SOS2: variants seen among roughly 807,000 people sequenced by gnomAD.
SOS2 encodes son of sevenless homolog 2.
Under a neutral mutation model 148.2 loss-of-function variants are expected in SOS2, and 65 were observed. The ratio of observed to expected loss-of-function variants is 0.44; its 90% confidence interval spans 0.36 to 0.54. SOS2 has a LOEUF of 0.54. Ranked by LOEUF, SOS2 falls within the 20% of genes least tolerant of loss-of-function variation. The probability of loss-of-function intolerance (pLI) is 0.00; values close to 1 mark genes in which losing one functional copy is unlikely to be tolerated. For synonymous variants in SOS2, 539 were observed against 537.1 expected, an observed-to-expected ratio of 1.00 and a Z score of -0.05; for missense variants, 1,341 against 1,590.2, an observed-to-expected ratio of 0.84 and a Z score of 2.67.
At chr14:50,145,968 C>A (rs1884453195) in intron 14 of SOS2, among the ~76,000 whole-genome samples, 1 of 151,728 alleles carries the variant, frequency 6.6e-6, no homozygotes. Context: ...AACCCCGTCT[C>A]TACTAAAATA....
chr14:50,176,497 A>C (rs1397207447), intron 7 of SOS2, among the ~76,000 whole-genome samples: 1 of 152,224 alleles, frequency 6.6e-6, no homozygotes, highest in Admixed American at 6.5e-5. Flanking sequence ...GTGCATTCTA[A>C]AATTTTTGTA....
intron 1 of SOS2, among the ~76,000 whole-genome samples, chr14:50,223,743 C>A (rs34981697): frequency 6.6e-6 from 1 of 151,872 alleles, no homozygotes; most frequent in East Asian, 1.9e-4. Context: ...TATATGGGGG[C>A]GGCAGGGGGG....
intron 9 of SOS2, 54 bp downstream of exon 9, chr14:50,161,428 T>A: frequency 6.8e-7 from 1 of 1,477,922 alleles, no homozygotes; most frequent in Non-Finnish European, 9.3e-7. Flanking sequence ...AAACCAGGCA[T>A]CAGAGACAGC....
chr14:50,179,098 T>C (rs1158365435), intron 7 of SOS2, among the ~76,000 whole-genome samples: 1 of 152,138 alleles, frequency 6.6e-6, no homozygotes, highest in Non-Finnish European at 1.5e-5. Flanking sequence ...ACATTAAGTA[T>C]GAAATAAAAA....
In SOS2 at chr14:50,222,788, G is replaced by A. The variant is rs12893897; in HGVS notation, c.87+8409C>T. Among the ~76,000 whole-genome samples the A allele has an allele frequency of 4.1e-3, 622 of 152,310 alleles. 1 individual carries two copies. Among genetic ancestry groups the A allele is most frequent in the Admixed American group, 6.7e-3 (103 of 15,290 alleles). On this transcript the variant is annotated intron_variant, in intron 1 of 22. Transcript: ENST00000216373. ...GTGGGGCAGCCCTAGACTGCAGAGG[G>A]CCTAGTAAACCTTTGGGAGGACTTT...
chr14:50,151,657 T>C (rs756988809), intron 13 of SOS2, among the ~76,000 whole-genome samples: 9 of 152,184 alleles, frequency 5.9e-5, no homozygotes, highest in Admixed American at 2.6e-4. Flanking sequence ...TTTATTCTAA[T>C]GTGTGTGTGT....
intron 9 of SOS2, among the ~76,000 whole-genome samples, 167 bp downstream of exon 9, chr14:50,161,304 AAAAAGGAAAGG>A (rs1885002138): frequency 6.6e-6 from 1 of 152,106 alleles, no homozygotes; most frequent in South Asian, 2.1e-4. Flanking sequence ...TCAAAAAAAA[AAAAAGGAAAGG>A]AAAAGGAAAA....
chr14:50,144,982 CATATT>C (rs949432141), intron 16 of SOS2, among the ~76,000 whole-genome samples, 183 bp downstream of exon 16: 4 of 151,792 alleles, frequency 2.6e-5, no homozygotes, highest in African/African-American at 9.7e-5. Flanking sequence ...CTAGGATTCA[CATATT>C]ATATATCATA....
chr14:50,163,825 C>T (rs1361485168), intron 8 of SOS2, among the ~76,000 whole-genome samples: 1 of 152,140 alleles, frequency 6.6e-6, no homozygotes, highest in Non-Finnish European at 1.5e-5. Flanking sequence ...TCTAAATTAT[C>T]ACCAGTAGTG....
chr14:50,141,977 T>C (rs1420828290), intron 16 of SOS2, among the ~76,000 whole-genome samples: 1 of 151,900 alleles, frequency 6.6e-6, no homozygotes, highest in East Asian at 1.9e-4. Flanking sequence ...AGGCATTCAA[T>C]TTATGACACA....
chr14:50,148,984 C>G (rs1270710335), intron 14 of SOS2, among the ~76,000 whole-genome samples: 10 of 152,202 alleles, frequency 6.6e-5, no homozygotes, highest in Admixed American at 1.3e-4. Context: ...CAGCCTCGAC[C>G]TTAAGTGACC....
chr14:50,159,430 C>A lies in SOS2; in HGVS notation c.1852+1G>T, dbSNP rs1266594571. The A allele has an allele frequency of 1.3e-6, 2 of 1,592,970 alleles. No homozygotes were observed. The highest frequency in any genetic ancestry group is 1.7e-6 in the Non-Finnish European group (2 of 1,165,668). On this transcript the variant is annotated splice_donor_variant, in intron 10 of 22. Transcript: ENST00000216373. LOFTEE classifies it high-confidence loss of function. ...CAGCAGTTGTAATGAGTTTCACATA[C>A]CTGCATACATATGATATGTTAACCT... is the stretch of plus-strand genomic sequence containing the variant.
Position 50,198,421 on chromosome 14 carries a change from T to C in SOS2, c.510+1270A>G, listed in dbSNP as rs552083008. On this transcript the variant is annotated intron_variant, in intron 4 of 22. Transcript: ENST00000216373. ...AGATAACAAGGAATTGCTACCATGA[T>C]GTAAGTGAAAAGTCATTTCTGAAAT... 6.6e-5 allele frequency among the ~76,000 whole-genome samples: 10 copies of C among 152,158 alleles called. No homozygotes were observed. The South Asian group carries it at 1.9e-3, about 28-fold the overall frequency.
chr14:50,154,947 G>T (rs1396438837), intron 12 of SOS2, among the ~76,000 whole-genome samples: 1 of 151,806 alleles, frequency 6.6e-6, no homozygotes, highest in Non-Finnish European at 1.5e-5. Flanking sequence ...GTGGCAGCAA[G>T]AAAAAAATGT....
At chr14:50,157,205 A>T in intron 11 of SOS2, 84 bp from the exon 12 acceptor site, 1 of 1,477,160 alleles carries the variant, frequency 6.8e-7, no homozygotes, top group Non-Finnish European at 9.1e-7. Context: ...CTTCTTTCCT[A>T]CCACTTCCAC....
At chr14:50,174,962 C>G (rs1885475953) in intron 7 of SOS2, among the ~76,000 whole-genome samples, 1 of 152,170 alleles carries the variant, frequency 6.6e-6, no homozygotes. Flanking sequence ...TTTCACTAAA[C>G]AATAATTGAA....
In SOS2 at chr14:50,136,522, A is replaced by G. The variant is rs76009982; in HGVS notation, c.2958+2090T>C. 9.4e-3 allele frequency among the ~76,000 whole-genome samples: 1,427 copies of G among 152,160 alleles called. 26 individuals carry two copies. The highest frequency in any genetic ancestry group is 0.032 in the African/African-American group (1,348 of 41,488). On this transcript the variant is annotated intron_variant, in intron 18 of 22. Coordinates refer to ENST00000216373, the MANE Select transcript of SOS2 (RefSeq NM_006939.4). ...CCCCACATCACAGAGGGCGGGTTCA[A>G]TGGTGAGAGGGGATGAAATAGGTCA...
At chr14:50,156,963 G>A (rs1884840630) in intron 12 of SOS2, 36 bp downstream of exon 12, 13 of 1,022,838 alleles carry the variant, frequency 1.3e-5, no homozygotes, top group African/African-American at 1.6e-5. Flanking sequence ...ATATATATGT[G>A]TATATATATA....
At chr14:50,132,960 T>C (rs1174687344) in intron 19 of SOS2, among the ~76,000 whole-genome samples, 1 of 152,054 alleles carries the variant, frequency 6.6e-6, no homozygotes. Context: ...CTTGGCTCCT[T>C]CTGACTTTTT....
Sources: gnomAD v4.1 joint callset for allele counts (sites outside exome capture counted in the v4.1 genomes callset) on GRCh38, gnomAD v4.1.1 for gene constraint, MANE v1.5 for transcripts, NCBI Gene and HGNC (gene_info 2026-07-23, HGNC 2026-07-21) for gene names.